Variants in GTF2H5 observed in about 807,000 individuals in gnomAD.
The protein encoded by GTF2H5 is TFB5 ortholog.
A neutral mutation model predicts 7.1 loss-of-function variants in GTF2H5; 5 were observed. That is an observed-to-expected ratio of 0.71 (90% CI 0.37 to 1.49). The LOEUF (loss-of-function observed/expected upper bound fraction) is 1.49, where lower values mean the gene tolerates loss of function less well. GTF2H5 is among the 40% of genes most tolerant of loss of function. The pLI, the probability that GTF2H5 is intolerant of heterozygous loss-of-function variation, is 0.03. For missense variants in GTF2H5, 80 were observed against 83.0 expected, an observed-to-expected ratio of 0.96 and a Z score of 0.14; for synonymous variants, 30 against 31.7, an observed-to-expected ratio of 0.95 and a Z score of 0.18.
chr6:158,169,453 T>TA (rs1785736944), intron 1 of GTF2H5, among the ~76,000 whole-genome samples: 5 of 57,568 alleles, frequency 8.7e-5, no homozygotes, highest in Non-Finnish European at 1.4e-4. Flanking sequence ...ATATTATATA[T>TA]TATATATATT....
chr6:158,192,207 A>T lies in GTF2H5; in HGVS notation c.*50A>T, dbSNP rs750936601. On this transcript the variant is annotated 3_prime_UTR_variant, in exon 3 of 3. Coordinates refer to ENST00000607778, the MANE Select transcript of GTF2H5 (RefSeq NM_207118.3). ...GAATTATAAGCAGCAACTGTGAAAGACTTGCCACTCAATATCTTAGGTGAC... is the reference window on the plus strand; with the variant it reads ...GAATTATAAGCAGCAACTGTGAAAGTCTTGCCACTCAATATCTTAGGTGAC... The T allele has an allele frequency of 1.3e-5, 19 of 1,418,742 alleles. No individual in the cohort carries two copies. The South Asian group carries it at 1.5e-4, about 11-fold the overall frequency. The allele number at this position is 1,418,742 out of a possible 1,614,324, so 87.9% of individuals were successfully genotyped here.
At chr6:158,169,146 A>G (rs962470564) in intron 1 of GTF2H5, among the ~76,000 whole-genome samples, 8 of 149,566 alleles carry the variant, frequency 5.3e-5, no homozygotes, top group African/African-American at 1.5e-4. Flanking sequence ...AGGCAGGAGA[A>G]TCGCTTGAGC....
At chr6:158,177,460 G>T (rs1785948811) in intron 2 of GTF2H5, among the ~76,000 whole-genome samples, 1 of 152,178 alleles carries the variant, frequency 6.6e-6, no homozygotes, top group Admixed American at 6.5e-5. Flanking sequence ...CCCCAAAAAA[G>T]CTGATGGGGA....
chr6:158,173,035 G>C (rs1785878735), intron 2 of GTF2H5, among the ~76,000 whole-genome samples: 1 of 152,082 alleles, frequency 6.6e-6, no homozygotes, highest in African/African-American at 2.4e-5. Flanking sequence ...GCATCATCTG[G>C]AGCTTGTTAG....
In GTF2H5 at chr6:158,169,567, A is replaced by G. The variant is rs867484609; in HGVS notation, c.-34-903A>G. Among the ~76,000 whole-genome samples the G allele has an allele frequency of 7.1e-4, 65 of 91,108 alleles. 7 individuals carry two copies. In the South Asian group the frequency reaches 0.018, roughly 25 times the overall value. The allele number at this position is 91,108 out of a possible 152,430, so 59.8% of individuals were successfully genotyped here. A position where few individuals can be genotyped will look rare whatever the true frequency, so the allele number is the denominator to read the frequency against. On this transcript the variant is annotated intron_variant, in intron 1 of 2. Transcript: ENST00000607778. The stretch of plus-strand genomic sequence containing the variant: ...TAATATACTGTATATTATATATAAT[A>G]TATTGTATATTATATATAATATATT...
rs914233337 is a variant in GTF2H5, at chr6:158,199,014, T to C, written c.*6857T>C. 1 of 152,260 alleles carries C rather than the reference T, an allele frequency of 6.6e-6. No homozygotes were observed. The highest frequency in any genetic ancestry group is 6.5e-5 in the Admixed American group (1 of 15,284). 9.4% of individuals were successfully genotyped at this position (152,260 alleles called of 1,614,324 possible). ...CTTGTTTGTTTTCTTCAGAAATTTG[T>C]TAATTCTCCATGATTAGCACCTTTA... On this transcript the variant is annotated 3_prime_UTR_variant, in exon 3 of 3. Transcript: ENST00000607778.
At chr6:158,171,633 G>A (rs1785857471) in intron 2 of GTF2H5, among the ~76,000 whole-genome samples, 1 of 152,180 alleles carries the variant, frequency 6.6e-6, no homozygotes, top group Non-Finnish European at 1.5e-5. Context: ...GGAGTGGTGG[G>A]GAGATGCCAG....
chr6:158,179,822 C>A (rs191908317), intron 2 of GTF2H5, among the ~76,000 whole-genome samples: 2 of 152,072 alleles, frequency 1.3e-5, no homozygotes, highest in African/African-American at 2.4e-5. Context: ...ATCTGAATAC[C>A]CTTTATTGCT....
intron 2 of GTF2H5, among the ~76,000 whole-genome samples, chr6:158,180,555 G>A (rs146751062): frequency 1.3e-5 from 2 of 152,144 alleles, no homozygotes; most frequent in African/African-American, 2.4e-5. Context: ...AGAATCTGCT[G>A]TTGGTCTATT....
chr6:158,187,663 G>A (rs1229443517), intron 2 of GTF2H5, among the ~76,000 whole-genome samples: 2 of 152,026 alleles, frequency 1.3e-5, no homozygotes, highest in African/African-American at 4.8e-5. Context: ...CGCCTCCCAG[G>A]TTCATGCCAT....
intron 1 of GTF2H5, among the ~76,000 whole-genome samples, chr6:158,169,712 T>TTATATATTATATAATATATAA (rs1785797798): frequency 1.5e-5 from 1 of 67,860 alleles, no homozygotes; most frequent in Non-Finnish European, 2.6e-5. Flanking sequence ...ATATTGTATA[T>TTATATATTATATAATATATAA]TATATATTAT....
chr6:158,191,486 CT>C (rs71542917), intron 2 of GTF2H5, among the ~76,000 whole-genome samples: 216 of 143,786 alleles, frequency 1.5e-3, no homozygotes, highest in Middle Eastern at 3.6e-3. Context: ...ACTAATAGTT[CT>C]TTTTTTTTTT....
intron 2 of GTF2H5, among the ~76,000 whole-genome samples, chr6:158,175,044 G>GTGTGTGTGTGTATA: frequency 1.1e-4 from 16 of 142,852 alleles, no homozygotes; most frequent in African/African-American, 3.7e-4. Flanking sequence ...GTGTGTGTGT[G>GTGTGTGTGTGTATA]TATACACACA....
intron 2 of GTF2H5, among the ~76,000 whole-genome samples, chr6:158,180,575 A>G (rs10016074): frequency 3.3e-5 from 5 of 152,274 alleles, no homozygotes; most frequent in South Asian, 2.1e-4. Flanking sequence ...TCAGAGATTC[A>G]CCTTCTTCCT....
At position 158,192,062 on chromosome 6, in the gene GTF2H5, A is replaced by T; in HGVS notation, c.121A>T (p.Thr41Ser). 7 of 1,612,828 alleles carry T rather than the reference A, an allele frequency of 4.3e-6. No individual in the cohort carries two copies. The highest frequency in any genetic ancestry group is 5.9e-6 in the Non-Finnish European group (7 of 1,178,810). The change falls in exon 3 of 3, where the codon ACT becomes TCT. Residue 41 changes from threonine to serine, a missense_variant. Coordinates refer to ENST00000607778, the MANE Select transcript of GTF2H5 (RefSeq NM_207118.3). ...KKFIIQDIDD[T>S]HVFVIAELVN... ...GTTCATCATTCAAGACATTGATGAC[A>T]CTCACGTCTTTGTAATAGCAGAATT...
chr6:158,191,648 A>G (rs1444970286), intron 2 of GTF2H5, among the ~76,000 whole-genome samples: 1 of 152,034 alleles, frequency 6.6e-6, no homozygotes, highest in Admixed American at 6.6e-5. Flanking sequence ...ACACCCGGCT[A>G]ATTTTTTGTA....
At chr6:158,169,451 T>C (rs1161054282) in intron 1 of GTF2H5, among the ~76,000 whole-genome samples, 14 of 71,094 alleles carry the variant, frequency 2.0e-4, no homozygotes, top group African/African-American at 6.7e-5. Context: ...ATATATTATA[T>C]ATTATATATA....
At chr6:158,184,404 C>CT (rs1171913852) in intron 2 of GTF2H5, among the ~76,000 whole-genome samples, 1 of 152,146 alleles carries the variant, frequency 6.6e-6, no homozygotes, top group Non-Finnish European at 1.5e-5. Flanking sequence ...GGGTCCAGTA[C>CT]TCTCTTTAGA....
chr6:158,191,388 A>G (rs1777023211), intron 2 of GTF2H5, among the ~76,000 whole-genome samples: 3 of 152,224 alleles, frequency 2.0e-5, no homozygotes, highest in Admixed American at 6.5e-5. Flanking sequence ...TACTAACTAC[A>G]AAGCTTTCAA....
Sources: allele counts gnomAD v4.1 joint callset (sites outside exome capture counted in the v4.1 genomes callset), GRCh38; gene constraint gnomAD v4.1.1; transcripts MANE v1.5; gene names NCBI Gene and HGNC (gene_info 2026-07-23, HGNC 2026-07-21).